The following NDRG1 variants were observed in gnomAD, a reference collection of about 807,000 sequenced individuals.
The protein encoded by NDRG1 is N-myc downstream regulated 1, also known as protein NDRG1.
Under a neutral mutation model 56.9 loss-of-function variants are expected in NDRG1, and 32 were observed. That is an observed-to-expected ratio of 0.56 (90% CI 0.42 to 0.76). The LOEUF is 0.76. Among genes scored for constraint, NDRG1 ranks in the 30% least tolerant of loss-of-function variants. The pLI is 0.00. For synonymous variants in NDRG1, 211 were observed against 204.1 expected (o/e 1.03, Z -0.29); for missense variants, 507 against 545.7 (o/e 0.93, Z 0.71).
chr8:133,282,697 A>G (rs986381818), intron 2 of NDRG1, among the ~76,000 whole-genome samples: 3 of 152,264 alleles, frequency 2.0e-5, no homozygotes, highest in African/African-American at 2.4e-5. Flanking sequence ...GTTGGAACAC[A>G]TTAAGTACAT....
rs756602585 is a variant in NDRG1 at position 133,250,574 on chromosome 8, C to T, written c.595-31G>A. The T allele has an allele frequency of 3.8e-6, 6 of 1,577,708 alleles. No homozygotes were observed. In the African/African-American group the frequency reaches 5.4e-5, roughly 14 times the overall value. On this transcript the variant is annotated intron_variant, in intron 9 of 15. Transcript: ENST00000323851. ...TTTAGAGAGGTGAGAAGATGGTCCT[C>T]ATCGCACTGTGGCCCTGAGCTGGTC...
chr8:133,238,819 C>T lies in NDRG1; in HGVS notation c.*59G>A, dbSNP rs940596140. ...TGGCAGGCAGGGGGCGAAAAGGGGCCGGGGAGGAGGGGGCCACTACAGAGA... is the reference window on the plus strand; with the variant it reads ...TGGCAGGCAGGGGGCGAAAAGGGGCTGGGGAGGAGGGGGCCACTACAGAGA... On this transcript the variant is annotated 3_prime_UTR_variant, in exon 16 of 16. Transcript: ENST00000323851. 9 of 1,514,416 alleles carry T rather than the reference C, an allele frequency of 5.9e-6. No homozygotes were observed. The highest frequency in any genetic ancestry group is 1.2e-5 in the South Asian group (1 of 81,576). The allele number at this position is 1,514,416 out of a possible 1,614,324, so 93.8% of individuals were successfully genotyped here. A position where few individuals can be genotyped will look rare whatever the true frequency, so the allele number is the denominator to read the frequency against.
chr8:133,282,278 T>C (rs942058389), intron 2 of NDRG1, among the ~76,000 whole-genome samples: 7 of 152,222 alleles, frequency 4.6e-5, no homozygotes, highest in Non-Finnish European at 1.0e-4. Context: ...ATGTATGTAA[T>C]GACACACATG....
intron 5 of NDRG1, among the ~76,000 whole-genome samples, chr8:133,261,065 T>C (rs1470753416): frequency 1.3e-5 from 2 of 152,178 alleles, no homozygotes; most frequent in Admixed American, 6.5e-5. Context: ...CACGTCTCAG[T>C]AGATAGGATC....
intron 3 of NDRG1, among the ~76,000 whole-genome samples, chr8:133,271,007 G>A (rs375110777): frequency 1.3e-5 from 2 of 152,270 alleles, no homozygotes; most frequent in East Asian, 3.9e-4. Context: ...ATGGACAACC[G>A]CTCCAGAGAT....
At chr8:133,254,373 T>A (rs568931624) in intron 9 of NDRG1, among the ~76,000 whole-genome samples, 166 bp downstream of exon 9, 1 of 152,374 alleles carries the variant, frequency 6.6e-6, no homozygotes, top group East Asian at 1.9e-4. Context: ...AATGAATGAC[T>A]TGTTGCTTAT....
intron 2 of NDRG1, among the ~76,000 whole-genome samples, chr8:133,284,032 G>A (rs1477690166): frequency 2.0e-5 from 3 of 152,228 alleles, no homozygotes; most frequent in Non-Finnish European, 4.4e-5. Context: ...TGCATTTCAA[G>A]GAAGCAGTGG....
chr8:133,273,497 G>A (rs1309127060), intron 3 of NDRG1, among the ~76,000 whole-genome samples: 1 of 151,314 alleles, frequency 6.6e-6, no homozygotes, highest in Non-Finnish European at 1.5e-5. Flanking sequence ...AGGATAGATG[G>A]CAAGGATACC....
At chr8:133,244,217 G>A in intron 14 of NDRG1, 138 bp downstream of exon 14, 1 of 1,075,872 alleles carries the variant, frequency 9.3e-7, no homozygotes, top group Non-Finnish European at 1.4e-6. Flanking sequence ...CTCCTATATA[G>A]CACCTTTTCC....
intron 3 of NDRG1, among the ~76,000 whole-genome samples, chr8:133,271,262 G>A (rs1857172499): frequency 6.6e-6 from 1 of 152,194 alleles, no homozygotes; most frequent in Admixed American, 6.5e-5. Flanking sequence ...GTCCAAGCAT[G>A]GCCAGAGCAG....
At position 133,262,511 on chromosome 8, in the gene NDRG1, C is replaced by T. The variant is rs547274328; in HGVS notation, c.206-344G>A. 1.2e-4 allele frequency among the ~76,000 whole-genome samples: 19 copies of T among 152,160 alleles called. 1 individual carries two copies. The South Asian group carries it at 3.9e-3, about 32-fold the overall frequency. On this transcript the variant is annotated intron_variant, in intron 4 of 15. Coordinates refer to ENST00000323851, the MANE Select transcript of NDRG1 (RefSeq NM_006096.4). ...CATGAGATGGCTTTGCCCTCCTGATCCTCTCTTTCCATCTGGGTCCACTAT... is the reference window on the plus strand; with the variant it reads ...CATGAGATGGCTTTGCCCTCCTGATTCTCTCTTTCCATCTGGGTCCACTAT...
In NDRG1 at chr8:133,247,812, A is replaced by G. The variant is rs1855771675; in HGVS notation, c.807+63T>C. 2.5e-6 allele frequency: 4 copies of G among 1,572,162 alleles called. No individual in the cohort carries two copies. In the South Asian group the frequency reaches 3.3e-5, roughly 13 times the overall value. ...AGGAGGGGCAGGCAGGGCCACTTCA[A>G]CAAAGTCAACCAGACTTTGCCTGTT... On this transcript the variant is annotated intron_variant, in intron 12 of 15. Coordinates refer to ENST00000323851, the MANE Select transcript of NDRG1 (RefSeq NM_006096.4).
At chr8:133,265,564 G>A (rs1856876185) in intron 3 of NDRG1, among the ~76,000 whole-genome samples, 1 of 152,052 alleles carries the variant, frequency 6.6e-6, no homozygotes, top group East Asian at 1.9e-4. Context: ...TGAGCCAGAT[G>A]GTTCTCTGGG....
At chr8:133,259,257 G>A (rs2130727699) in intron 5 of NDRG1, 27 bp from the exon 6 acceptor site, 1 of 1,610,800 alleles carries the variant, frequency 6.2e-7, no homozygotes, top group Admixed American at 1.7e-5. Context: ...GAAGCCATTA[G>A]TGAGCGCCCG....
At chr8:133,281,352 C>T (rs1186606149) in intron 2 of NDRG1, among the ~76,000 whole-genome samples, 30 of 145,026 alleles carry the variant, frequency 2.1e-4, no homozygotes, top group East Asian at 1.6e-3. Context: ...AGTGAAACTC[C>T]GTCTCAAAAA....
intron 3 of NDRG1, among the ~76,000 whole-genome samples, chr8:133,267,255 G>A (rs993644437): frequency 7.2e-5 from 11 of 152,118 alleles, no homozygotes; most frequent in East Asian, 3.9e-4. Context: ...CTGGGTTTCC[G>A]CCCTCCTCAA....
intron 3 of NDRG1, among the ~76,000 whole-genome samples, chr8:133,265,645 G>A (rs960570615): frequency 2.0e-5 from 3 of 151,940 alleles, no homozygotes; most frequent in Non-Finnish European, 2.9e-5. Context: ...GCACCTCTCC[G>A]CACCAAACCT....
chr8:133,271,145 G>A (rs1857165520), intron 3 of NDRG1, among the ~76,000 whole-genome samples: 1 of 152,150 alleles, frequency 6.6e-6, no homozygotes, highest in African/African-American at 2.4e-5. Flanking sequence ...CTTCCCAGCA[G>A]GCCCTGGGCA....
In NDRG1 at chr8:133,280,130, C is replaced by T. The variant is rs994927176; in HGVS notation, c.99+102G>A. On this transcript the variant is annotated intron_variant, in intron 3 of 15. Transcript: ENST00000323851. ...GAGACCACTGCCTTCTCTCCCCTTG[C>T]CCGCAATGTTTGCACAATGATCTAC... The T allele has an allele frequency of 9.8e-6, 14 of 1,422,904 alleles. No individual in the cohort carries two copies. The South Asian group carries it at 1.7e-4, about 17-fold the overall frequency. The allele number at this position is 1,422,904 out of a possible 1,614,324, so 88.1% of individuals were successfully genotyped here.
Sources: gnomAD v4.1 joint callset for allele counts (sites outside exome capture counted in the v4.1 genomes callset) on GRCh38, gnomAD v4.1.1 for gene constraint, MANE v1.5 for transcripts, NCBI Gene and HGNC (gene_info 2026-07-23, HGNC 2026-07-21) for gene names.